LRP1B: variants seen among roughly 807,000 people sequenced by gnomAD.
The protein encoded by LRP1B is low-density lipoprotein receptor-related protein 1B.
LRP1B carries 217 observed loss-of-function variants against 556.6 expected under a neutral mutation model. The observed-to-expected ratio is 0.39, with a 90% CI of 0.35 to 0.44. The LOEUF (loss-of-function observed/expected upper bound fraction) is 0.44, where lower values mean the gene tolerates loss of function less well. Among genes scored for constraint, LRP1B ranks in the 20% least tolerant of loss-of-function variants. LRP1B has a pLI of 1.00. For missense variants in LRP1B, 5,053 were observed against 5,620.8 expected (o/e 0.90, Z 3.23); for synonymous variants, 2,047 against 1,865.8 (o/e 1.10, Z -2.50).
chr2:141,259,605 A>C (rs1684611932), intron 3 of LRP1B, among the ~76,000 whole-genome samples: 1 of 152,200 alleles, frequency 6.6e-6, no homozygotes, highest in African/African-American at 2.4e-5. Context: ...CACAATGGAA[A>C]GAGCCTGAAA....
chr2:141,544,381 TCTCCTCCTCCTCCTCCTC>T (rs1170452147), intron 2 of LRP1B, among the ~76,000 whole-genome samples: 1 of 79,802 alleles, frequency 1.3e-5, no homozygotes, highest in Admixed American at 1.5e-4. Flanking sequence ...TTCTTCTTCT[TCTCCTCCTCCTCCTCCTC>T]CTCCTCCTCC....
At position 141,953,006 on chromosome 2, in the gene LRP1B, G is replaced by C. The variant is rs186372729; in HGVS notation, c.83-142605C>G. Among the ~76,000 whole-genome samples, 19 of 152,156 alleles carry C rather than the reference G, an allele frequency of 1.2e-4. No homozygotes were observed. The East Asian group carries it at 3.5e-3, about 28-fold the overall frequency. On this transcript the variant is annotated intron_variant, in intron 1 of 90. Transcript: ENST00000389484. ...ATAAACTCATTAACTCTAGAGGGTAGCAATTTCATGGAAAGAAATTCATTT... is the reference window on the plus strand; with the variant it reads ...ATAAACTCATTAACTCTAGAGGGTACCAATTTCATGGAAAGAAATTCATTT...
intron 63 of LRP1B, among the ~76,000 whole-genome samples, chr2:140,445,100 A>G (rs990389120): frequency 1.1e-4 from 17 of 151,890 alleles, no homozygotes; most frequent in African/African-American, 4.1e-4. Flanking sequence ...ATTTGTCCAC[A>G]ATACATATTC....
rs182925014 is a variant in LRP1B, at chr2:142,036,497, G to T, written c.82+94151C>A. ...TCCTAATTATTGGTATTATTATAAT[G>T]GACAGCAGGATAGTATCAAGTCTAA... On this transcript the variant is annotated intron_variant, in intron 1 of 90. Coordinates refer to ENST00000389484, the MANE Select transcript of LRP1B (RefSeq NM_018557.3). Among the ~76,000 whole-genome samples the T allele has an allele frequency of 2.6e-3, 396 of 151,534 alleles. 1 individual carries two copies. Among genetic ancestry groups the T allele is most frequent in the African/African-American group, 9.3e-3 (386 of 41,418 alleles).
intron 83 of LRP1B, among the ~76,000 whole-genome samples, chr2:140,302,019 T>G (rs2105009262): frequency 6.6e-6 from 1 of 152,166 alleles, no homozygotes; most frequent in African/African-American, 2.4e-5. Flanking sequence ...TTCTTCAAAT[T>G]TTCTCTTTGA....
chr2:141,948,577 T>A (rs986225197), intron 1 of LRP1B, among the ~76,000 whole-genome samples: 6 of 151,904 alleles, frequency 3.9e-5, no homozygotes, highest in Non-Finnish European at 8.8e-5. Context: ...ATAAAATAAT[T>A]ACATTTAAGA....
chr2:140,307,246 T>C (rs973617019), intron 83 of LRP1B, among the ~76,000 whole-genome samples: 4 of 151,980 alleles, frequency 2.6e-5, no homozygotes, highest in Non-Finnish European at 4.4e-5. Flanking sequence ...CTACATCACA[T>C]TCTGTAAACA....
At chr2:141,439,889 T>A (rs555088421) in intron 3 of LRP1B, among the ~76,000 whole-genome samples, 4 of 152,320 alleles carry the variant, frequency 2.6e-5, no homozygotes, top group African/African-American at 9.6e-5. Context: ...TTCAAATGTG[T>A]CCACATAGTG....
At position 141,045,230 on chromosome 2, in the gene LRP1B, T is replaced by C. The variant is rs1468005352; in HGVS notation, c.1789+3756A>G. Among the ~76,000 whole-genome samples, 4 of 94,020 alleles carry C rather than the reference T, an allele frequency of 4.3e-5. No individual in the cohort carries two copies. The Admixed American group carries it at 6.8e-4, about 16-fold the overall frequency. The allele number at this position is 94,020 out of a possible 152,430, so 61.7% of individuals were successfully genotyped here. A position where few individuals can be genotyped will look rare whatever the true frequency, so the allele number is the denominator to read the frequency against. On this transcript the variant is annotated intron_variant, in intron 11 of 90. Coordinates refer to ENST00000389484, the MANE Select transcript of LRP1B (RefSeq NM_018557.3). ...GTGGGAATTAAACAATGAGATCACA[T>C]GGACACAGGAAGGGGAATATCACAC...
chr2:141,161,962 C>T (rs576342685), intron 7 of LRP1B, among the ~76,000 whole-genome samples: 70 of 152,062 alleles, frequency 4.6e-4, no homozygotes, highest in African/African-American at 1.6e-3. Context: ...GACTACAAAA[C>T]CCTGACAACT....
chr2:141,629,004 A>T (rs1411709765), intron 2 of LRP1B, among the ~76,000 whole-genome samples: 1 of 152,188 alleles, frequency 6.6e-6, no homozygotes, highest in African/African-American at 2.4e-5. Context: ...TTGTACAACC[A>T]ATCTGTATAA....
chr2:141,312,762 C>G (rs1225221364), intron 3 of LRP1B, among the ~76,000 whole-genome samples: 1 of 151,902 alleles, frequency 6.6e-6, no homozygotes, highest in East Asian at 1.9e-4. Flanking sequence ...AATCTCCACT[C>G]ACTGCAGCCT....
chr2:142,073,988 ATTTTT>A (rs1206739727), intron 1 of LRP1B, among the ~76,000 whole-genome samples: 1 of 151,922 alleles, frequency 6.6e-6, no homozygotes, highest in Non-Finnish European at 1.5e-5. Flanking sequence ...AATCTCTTTT[ATTTTT>A]AATTTTCCAG....
chr2:141,162,797 T>A (rs1364420753), intron 7 of LRP1B, among the ~76,000 whole-genome samples: 1 of 152,122 alleles, frequency 6.6e-6, no homozygotes, highest in African/African-American at 2.4e-5. Flanking sequence ...TCACAAAATA[T>A]ATTAACAATG....
chr2:140,683,633 G>C, intron 41 of LRP1B: 1 of 698,202 alleles, frequency 1.4e-6, no homozygotes, highest in Admixed American at 1.8e-5. Context: ...TCAGCTCCCA[G>C]GTATTCCATC....
chr2:141,379,396 T>C (rs1689557465), intron 3 of LRP1B, among the ~76,000 whole-genome samples: 1 of 152,172 alleles, frequency 6.6e-6, no homozygotes, highest in Non-Finnish European at 1.5e-5. Flanking sequence ...ATGCCAATCA[T>C]GTGCCAGAAT....
chr2:140,934,088 G>A (rs1695133096), intron 20 of LRP1B, among the ~76,000 whole-genome samples: 1 of 151,882 alleles, frequency 6.6e-6, no homozygotes, highest in African/African-American at 2.4e-5. Context: ...CAGACAGTTT[G>A]TATTTCATTG....
At chr2:141,213,319 A>G (rs936649141) in intron 6 of LRP1B, among the ~76,000 whole-genome samples, 1 of 152,162 alleles carries the variant, frequency 6.6e-6, no homozygotes, top group Non-Finnish European at 1.5e-5. Context: ...GATTAATAAA[A>G]ACAAGTAAGA....
intron 7 of LRP1B, among the ~76,000 whole-genome samples, chr2:141,095,397 G>A (rs183696146): frequency 1.3e-5 from 1 of 79,918 alleles, no homozygotes; most frequent in East Asian, 2.5e-4. Flanking sequence ...TTTGCAAAGG[G>A]TAGTAATCGT....
Sources: allele counts gnomAD v4.1 joint callset (sites outside exome capture counted in the v4.1 genomes callset), GRCh38; gene constraint gnomAD v4.1.1; transcripts MANE v1.5; gene names NCBI Gene and HGNC (gene_info 2026-07-23, HGNC 2026-07-21).